Variants in BOC observed in about 807,000 individuals in gnomAD.
The protein encoded by BOC is brother of CDO.
In BOC, 76 loss-of-function variants were observed where a neutral mutation model predicts 112.0. The ratio of observed to expected loss-of-function variants is 0.68; its 90% CI spans 0.56 to 0.82. The LOEUF is 0.82. Among genes scored for constraint, BOC ranks in the 40% least tolerant of loss-of-function variants. The pLI is 0.00. For missense variants in BOC, 1,309 were observed against 1,511.7 expected (o/e 0.87, Z 2.22); for synonymous variants, 580 against 599.8 (o/e 0.97, Z 0.48).
At chr3:113,279,533 G>C (rs914108333) in intron 12 of BOC, 78 bp downstream of exon 12, 5 of 1,415,112 alleles carry the variant, frequency 3.5e-6, no homozygotes, top group Non-Finnish European at 1.9e-6. Context: ...TGACGAGCCT[G>C]GGATCCCCTT....
At chr3:113,219,794 C>T (rs749152143) in intron 2 of BOC, among the ~76,000 whole-genome samples, 11 of 152,194 alleles carry the variant, frequency 7.2e-5, no homozygotes, top group Non-Finnish European at 1.2e-4. Flanking sequence ...TGGTGTCAGA[C>T]TTTGCGGCCA....
rs926466843 is a variant in BOC, at chr3:113,250,629, G to A, written c.172G>A (p.Val58Met). The change falls in exon 4 of 20, where the codon GTG becomes ATG. Residue 58 changes from valine to methionine, a missense_variant. Physicochemically the swap from Val to Met is conservative, Grantham distance 21. Coordinates refer to ENST00000682979, the MANE Select transcript of BOC (RefSeq NM_001378074.1). ...KPGGTVILGCVVEPPRMNVTW... is the reference protein window; with the variant it reads ...KPGGTVILGCMVEPPRMNVTW... ...CGGAGGCACTGTGATCTTGGGCTGC[G>A]TGGTGGAACCTCCAAGGATGAATGT... 67 of 1,614,108 alleles carry A rather than the reference G, an allele frequency of 4.2e-5. No homozygotes were observed. Among genetic ancestry groups the A allele is most frequent in the Non-Finnish European group, 4.9e-5 (58 of 1,180,052 alleles).
intron 3 of BOC, among the ~76,000 whole-genome samples, 181 bp from the exon 4 acceptor site, chr3:113,250,374 C>T (rs1233180002): frequency 6.6e-6 from 1 of 152,218 alleles, no homozygotes; most frequent in Non-Finnish European, 1.5e-5. Context: ...CATTCTCACT[C>T]CACATCTACT....
At chr3:113,275,032 C>G (rs1948517763) in intron 9 of BOC, among the ~76,000 whole-genome samples, 1 of 152,240 alleles carries the variant, frequency 6.6e-6, no homozygotes, top group Non-Finnish European at 1.5e-5. Context: ...TTGCTTTCCT[C>G]TGTCGTTAGT....
At chr3:113,282,279 G>A (rs1254992096) in intron 15 of BOC, among the ~76,000 whole-genome samples, 1 of 152,188 alleles carries the variant, frequency 6.6e-6, no homozygotes, top group South Asian at 2.1e-4. Context: ...CAGGGAATGG[G>A]CTGAGGGTTG....
chr3:113,278,262 G>A lies in BOC; in HGVS notation c.1705+5G>A, dbSNP rs1948849965. 2 of 1,613,984 alleles carry A rather than the reference G, an allele frequency of 1.2e-6. No individual in the cohort carries two copies. Among genetic ancestry groups the A allele is most frequent in the Admixed American group, 1.7e-5 (1 of 60,014 alleles). On this transcript the variant is annotated splice_donor_5th_base_variant and intron_variant, in intron 10 of 19. Coordinates refer to ENST00000682979, the MANE Select transcript of BOC (RefSeq NM_001378074.1). The surrounding 1 kb of genome is among the most constrained non-coding windows in gnomAD (Gnocchi z 4.2). ...CCATGGTCACCTTCCGAACTGGTGA[G>A]AGTCAAACATTGCCCCTTGCTTAGG...
upstream of BOC, chr3:113,211,501 C>G (rs1576293199): frequency 6.6e-6 from 1 of 151,684 alleles, no homozygotes; most frequent in Non-Finnish European, 1.5e-5. Context: ...CCTCCTCGCA[C>G]GGTAATGGGA....
chr3:113,241,782 C>T (rs115212034), intron 2 of BOC, among the ~76,000 whole-genome samples: 1,800 of 152,288 alleles, frequency 0.012, 38 homozygotes, highest in African/African-American at 0.041. Flanking sequence ...CCCAGGGCCG[C>T]ATTGAAGGCC....
intron 2 of BOC, among the ~76,000 whole-genome samples, chr3:113,248,338 G>A (rs1172063951): frequency 6.6e-6 from 1 of 152,196 alleles, no homozygotes; most frequent in Non-Finnish European, 1.5e-5. Flanking sequence ...TCTAGGACTG[G>A]CCAGCACAAC....
Position 113,287,385 on chromosome 3 carries a change from C to T in BOC, c.*523C>T, listed in dbSNP as rs573274543. 6.3e-6 allele frequency: 1 copy of T among 159,838 alleles called. No individual in the cohort carries two copies. Among genetic ancestry groups the T allele is most frequent in the African/African-American group, 2.4e-5 (1 of 41,652 alleles). 9.9% of individuals were successfully genotyped at this position (159,838 alleles called of 1,614,324 possible). A position where few individuals can be genotyped will look rare whatever the true frequency, so the allele number is the denominator to read the frequency against. On this transcript the variant is annotated 3_prime_UTR_variant, in exon 20 of 20. Transcript: ENST00000682979. ...AAAAAACCTTCCAGAATCAATAATC[C>T]GTGGCAACATATCTCTGTAAAAACA...
Position 113,273,322 on chromosome 3 carries a change from G to C in BOC, c.1215G>C (p.Gln405His), listed in dbSNP as rs766110759. The C allele has an allele frequency of 6.3e-7, 1 of 1,592,526 alleles. No homozygotes were observed. Among genetic ancestry groups the C allele is most frequent in the South Asian group, 1.1e-5 (1 of 90,494 alleles). ...TTGGGAGCGCCCATGCCGTAGTCCA[G>C]CTGCGGACCTCCAGGCCAAGTGAGT... ...NEVGSAHAVV[Q>H]LRTSRPSITP... Residue 405 changes from glutamine to histidine, a missense_variant, in exon 8 of 20, where the codon CAG becomes CAC. Transcript: ENST00000682979.
At chr3:113,241,440 C>T (rs1042531377) in intron 2 of BOC, among the ~76,000 whole-genome samples, 2 of 152,104 alleles carry the variant, frequency 1.3e-5, no homozygotes, top group Non-Finnish European at 2.9e-5. Context: ...CTCCCGGGAA[C>T]TCCTACTTCT....
At chr3:113,241,829 C>T (rs1259759687) in intron 2 of BOC, among the ~76,000 whole-genome samples, 3 of 152,124 alleles carry the variant, frequency 2.0e-5, no homozygotes, top group African/African-American at 7.2e-5. Context: ...CTCCCCACCT[C>T]CCCCTACTCC....
chr3:113,221,457 A>AC (rs977906672), intron 2 of BOC, among the ~76,000 whole-genome samples: 1 of 151,632 alleles, frequency 6.6e-6, no homozygotes, highest in South Asian at 2.1e-4. Context: ...GGGTAGATAA[A>AC]CCCCCCATGC....
At chr3:113,224,874 G>A (rs997156440) in intron 2 of BOC, among the ~76,000 whole-genome samples, 2 of 151,836 alleles carry the variant, frequency 1.3e-5, no homozygotes, top group Non-Finnish European at 2.9e-5. Context: ...CCAGGAGATC[G>A]AGACCATTCT....
chr3:113,248,981 A>G (rs1479812450), intron 2 of BOC, among the ~76,000 whole-genome samples: 2 of 152,154 alleles, frequency 1.3e-5, no homozygotes, highest in Non-Finnish European at 1.5e-5. Flanking sequence ...GGAGCTAGTG[A>G]GTGAAGCGAA....
chr3:113,217,911 T>G (rs1418321408), intron 2 of BOC, among the ~76,000 whole-genome samples: 2 of 152,226 alleles, frequency 1.3e-5, no homozygotes, highest in Admixed American at 1.3e-4. Context: ...GTAAAAATTT[T>G]CATCTACATG....
rs750113090 is a variant in BOC, at chr3:113,279,909, G to A, written c.2109G>A (p.Ser703=). 9.9e-6 allele frequency: 16 copies of A among 1,613,862 alleles called. No individual in the cohort carries two copies. Among genetic ancestry groups the A allele is most frequent in the East Asian group, 2.2e-5 (1 of 44,886 alleles). Residue 703 remains serine (S), a synonymous_variant, in exon 13 of 20, where the codon TCG becomes TCA. Transcript: ENST00000682979. ...PSAPSRPYVV[S]GYSGRVYERP... is the part of the protein sequence containing the mutation. ...CCCCCTCTCGGCCCTACGTGGTGTC[G>A]GGCTACAGCGGTCGCGTGTACGAGA...
chr3:113,249,810 G>T lies in BOC; in HGVS notation c.8G>T (p.Arg3Leu). The change falls in exon 3 of 20, where the codon CGT becomes CTT. Residue 3 changes from arginine (R) to leucine (L), a missense_variant. Transcript: ENST00000682979. ML[R>L]GTMTAWRGMR... ...AGACCTTTGTGATACACCATGCTGC[G>T]TGGGACGATGACGGCGTGGAGAGGA... 6.2e-7 allele frequency: 1 copy of T among 1,612,742 alleles called. No homozygotes were observed. The highest frequency in any genetic ancestry group is 8.5e-7 in the Non-Finnish European group (1 of 1,179,666).
Sources: gnomAD v4.1 joint callset for allele counts (sites outside exome capture counted in the v4.1 genomes callset) on GRCh38, gnomAD v4.1.1 for gene constraint, Gnocchi (gnomAD v3.1) non-coding constraint, MANE v1.5 for transcripts, NCBI Gene and HGNC (gene_info 2026-07-23, HGNC 2026-07-21) for gene names.